SLCO4C1: variants seen among roughly 807,000 people sequenced by gnomAD.
SLCO4C1 encodes organic anion transporter M1.
A neutral mutation model predicts 72.1 loss-of-function variants in SLCO4C1; 58 were observed. That is an observed-to-expected ratio of 0.80 (90% confidence interval 0.65 to 1.00). SLCO4C1 has a LOEUF of 1.00. SLCO4C1 is among the 50% of genes least tolerant of loss of function. SLCO4C1 has a pLI of 0.00. For synonymous variants in SLCO4C1, 297 were observed against 312.5 expected (o/e 0.95, Z 0.52); for missense variants, 898 against 857.9 (o/e 1.05, Z -0.58).
intron 2 of SLCO4C1, among the ~76,000 whole-genome samples, chr5:102,286,098 A>T (rs1247411905): frequency 6.6e-6 from 1 of 152,172 alleles, no homozygotes; most frequent in Non-Finnish European, 1.5e-5. Flanking sequence ...GTTACCAAGC[A>T]TAACCAAAGT....
At chr5:102,282,071 T>G (rs1380333931) in intron 2 of SLCO4C1, among the ~76,000 whole-genome samples, 1 of 151,984 alleles carries the variant, frequency 6.6e-6, no homozygotes, top group Non-Finnish European at 1.5e-5. Flanking sequence ...TAATCAGCAG[T>G]AGAAAGAACA....
intron 3 of SLCO4C1, among the ~76,000 whole-genome samples, chr5:102,267,119 T>A (rs1749056060): frequency 6.6e-6 from 1 of 152,146 alleles, no homozygotes; most frequent in Non-Finnish European, 1.5e-5. Flanking sequence ...GGTTTTGGCA[T>A]CAGGGTAATA....
At position 102,257,980 on chromosome 5, in the gene SLCO4C1, T is replaced by C. The variant is rs371936982; in HGVS notation, c.1236A>G (p.Gln412=). The change falls in exon 7 of 13, where the codon CAA becomes CAG. Residue 412 remains glutamine (Q), a synonymous_variant. Transcript: ENST00000310954. ...CTGCGAAGCTGGATGTCAATCCGAATTGATTTTCTATAAATTTAGGTAAAA... is the reference window on the plus strand; with the variant it reads ...CTGCGAAGCTGGATGTCAATCCGAACTGATTTTCTATAAATTTAGGTAAAA... ...ATFLPKFIEN[Q]FGLTSSFAAT... is the part of the protein sequence containing the mutation. 29 of 1,608,370 alleles carry C rather than the reference T, an allele frequency of 1.8e-5. 1 individual carries two copies. In the African/African-American group the frequency reaches 2.4e-4, roughly 13 times the overall value.
Position 102,282,668 on chromosome 5 carries a change from T to C in SLCO4C1, c.619+8675A>G, listed in dbSNP as rs576071952. 3.3e-5 allele frequency among the ~76,000 whole-genome samples: 5 copies of C among 152,142 alleles called. No individual in the cohort carries two copies. The South Asian group carries it at 8.3e-4, about 25-fold the overall frequency. On this transcript the variant is annotated intron_variant, in intron 2 of 12. Coordinates refer to ENST00000310954, the MANE Select transcript of SLCO4C1 (RefSeq NM_180991.5). ...TTCCTAGATTAAAAATCTTGTTTCC[T>C]TCAAACAAGGATTTTGAATGTGTTT...
In SLCO4C1 at chr5:102,234,376, C is replaced by A. The variant is rs1316603315; in HGVS notation, c.*2482G>T. On this transcript the variant is annotated 3_prime_UTR_variant, in exon 13 of 13. Coordinates refer to ENST00000310954, the MANE Select transcript of SLCO4C1 (RefSeq NM_180991.5). Reference sequence around the variant, plus strand: ...ATAAATTATGGTAGTGTCTGTAAAACCCTGTTATAAAGGAGGTATTCTTTT... The same window carrying A: ...ATAAATTATGGTAGTGTCTGTAAAAACCTGTTATAAAGGAGGTATTCTTTT... 2.6e-5 allele frequency: 4 copies of A among 152,398 alleles called. No individual in the cohort carries two copies. Among genetic ancestry groups the A allele is most frequent in the Admixed American group, 6.6e-5 (1 of 15,258 alleles). The allele number at this position is 152,398 out of a possible 1,614,324, so 9.4% of individuals were successfully genotyped here. A position where few individuals can be genotyped will look rare whatever the true frequency, so the allele number is the denominator to read the frequency against.
intron 2 of SLCO4C1, among the ~76,000 whole-genome samples, chr5:102,278,547 C>T (rs1191716964): frequency 6.6e-6 from 1 of 152,150 alleles, no homozygotes; most frequent in Non-Finnish European, 1.5e-5. Context: ...TCTTTTCAAA[C>T]GCCCACAGAA....
intron 3 of SLCO4C1, among the ~76,000 whole-genome samples, chr5:102,265,692 A>G (rs1289321117): frequency 6.6e-6 from 1 of 152,176 alleles, no homozygotes; most frequent in Admixed American, 6.5e-5. Context: ...TACCAACACC[A>G]TCCTTTTTTG....
At chr5:102,271,752 T>C (rs1159371731) in intron 2 of SLCO4C1, among the ~76,000 whole-genome samples, 1 of 152,154 alleles carries the variant, frequency 6.6e-6, no homozygotes, top group Admixed American at 6.6e-5. Flanking sequence ...GTTTGGTACA[T>C]GACTGTTCCT....
rs1222813345 is a variant in SLCO4C1 at position 102,234,764 on chromosome 5, C to T, written c.*2094G>A. 6.6e-6 allele frequency: 1 copy of T among 151,312 alleles called. No homozygotes were observed. The highest frequency in any genetic ancestry group is 2.4e-5 in the African/African-American group (1 of 41,058). 9.4% of individuals were successfully genotyped at this position (151,312 alleles called of 1,614,324 possible). A position where few individuals can be genotyped will look rare whatever the true frequency, so the allele number is the denominator to read the frequency against. On this transcript the variant is annotated 3_prime_UTR_variant, in exon 13 of 13. Transcript: ENST00000310954. ...AACTATGAAAGTCTTCAATCCAATT[C>T]CCTGCTTCCACACAAAGGACAAAGA...
At chr5:102,238,681 TTATTTTACTAGTGTAAACTAGATACA>T (rs1321180636) in intron 12 of SLCO4C1, among the ~76,000 whole-genome samples, 1 of 152,208 alleles carries the variant, frequency 6.6e-6, no homozygotes, top group Non-Finnish European at 1.5e-5. Flanking sequence ...ATTTCAACTT[TTATTTTACTAGTGTAAACTAGATACA>T]TTGTTTTACT....
intron 2 of SLCO4C1, among the ~76,000 whole-genome samples, chr5:102,281,527 A>G (rs1376802531): frequency 6.6e-6 from 1 of 152,090 alleles, no homozygotes; most frequent in Non-Finnish European, 1.5e-5. Flanking sequence ...GGATGAAAAT[A>G]TTTGCAAACT....
chr5:102,279,528 T>C (rs1264202946), intron 2 of SLCO4C1, among the ~76,000 whole-genome samples: 2 of 151,756 alleles, frequency 1.3e-5, no homozygotes, highest in African/African-American at 4.8e-5. Context: ...TTTCAGAAAA[T>C]AGTAGAGGAG....
chr5:102,287,733 T>G (rs1173733455), intron 2 of SLCO4C1, among the ~76,000 whole-genome samples: 1 of 151,932 alleles, frequency 6.6e-6, no homozygotes, highest in Non-Finnish European at 1.5e-5. Context: ...TTTTTGTATT[T>G]TTAGTAGAGA....
intron 2 of SLCO4C1, among the ~76,000 whole-genome samples, chr5:102,289,537 A>C (rs1389132923): frequency 7.9e-5 from 12 of 152,252 alleles, no homozygotes. Context: ...AAATGCTATG[A>C]ACAAATAACT....
intron 2 of SLCO4C1, among the ~76,000 whole-genome samples, chr5:102,287,978 C>T (rs1749488019): frequency 6.6e-6 from 1 of 152,080 alleles, no homozygotes; most frequent in Non-Finnish European, 1.5e-5. Flanking sequence ...ACCACAATGA[C>T]ACTTCTGTTA....
intron 1 of SLCO4C1, among the ~76,000 whole-genome samples, chr5:102,293,222 G>T (rs563538285): frequency 1.3e-5 from 2 of 151,816 alleles, no homozygotes; most frequent in African/African-American, 2.4e-5. Flanking sequence ...ATTTTTATAC[G>T]TTATCTAATA....
intron 3 of SLCO4C1, among the ~76,000 whole-genome samples, chr5:102,270,099 T>C (rs1749121618): frequency 6.6e-6 from 1 of 152,154 alleles, no homozygotes; most frequent in Non-Finnish European, 1.5e-5. Context: ...GCAAATAAAG[T>C]ATTCAATAAT....
rs948106243 is a variant in SLCO4C1 at position 102,249,910 on chromosome 5, A to G, written c.1470-122T>C. 4.2e-6 allele frequency: 4 copies of G among 963,522 alleles called. No homozygotes were observed. The African/African-American group carries it at 6.6e-5, about 16-fold the overall frequency. The allele number at this position is 963,522 out of a possible 1,614,324, so 59.7% of individuals were successfully genotyped here. On this transcript the variant is annotated intron_variant, in intron 8 of 12. Transcript: ENST00000310954. ...CACTCACTCAACACATAATTACTAA[A>G]CAAATAAAACGTCTTCCTTTGCACA... is the stretch of plus-strand genomic sequence containing the variant.
intron 2 of SLCO4C1, among the ~76,000 whole-genome samples, chr5:102,290,121 T>C (rs1286845301): frequency 1.3e-5 from 2 of 152,208 alleles, no homozygotes; most frequent in East Asian, 1.9e-4. Flanking sequence ...TGAGGGCCTC[T>C]AGCTGCTTCC....
Sources: gnomAD v4.1 joint callset for allele counts (sites outside exome capture counted in the v4.1 genomes callset) on GRCh38, gnomAD v4.1.1 for gene constraint, MANE v1.5 for transcripts, NCBI Gene and HGNC (gene_info 2026-07-23, HGNC 2026-07-21) for gene names.